The following MLIP variants were observed in gnomAD, a reference collection of about 807,000 sequenced individuals.
The protein encoded by MLIP is muscular LMNA interacting protein, also known as muscular LMNA-interacting protein.
Under a neutral mutation model 84.8 loss-of-function variants are expected in MLIP, and 79 were observed. That is an observed-to-expected ratio of 0.93 (90% CI 0.78 to 1.12). The LOEUF is 1.12. Ranked by LOEUF, MLIP falls within the 50% of genes most tolerant of loss-of-function variation. The pLI is 0.00. For synonymous variants in MLIP, 504 were observed against 463.0 expected (o/e 1.09, Z -1.14); for missense variants, 1,257 against 1,160.6 (o/e 1.08, Z -1.21).
intron 1 of MLIP, among the ~76,000 whole-genome samples, chr6:54,113,537 G>A (rs1304531050): frequency 1.3e-5 from 2 of 151,944 alleles, no homozygotes; most frequent in African/African-American, 4.8e-5. Flanking sequence ...GATACAATGA[G>A]GAAATAATGA....
At chr6:54,161,660 G>A (rs1439062024) in intron 8 of MLIP, among the ~76,000 whole-genome samples, 2 of 151,624 alleles carry the variant, frequency 1.3e-5, no homozygotes, top group Non-Finnish European at 2.9e-5. Flanking sequence ...CAAATGTACA[G>A]AACTACACAT....
intron 1 of MLIP, among the ~76,000 whole-genome samples, chr6:54,118,664 T>A (rs1409416475): frequency 1.3e-5 from 2 of 152,016 alleles, no homozygotes; most frequent in African/African-American, 4.8e-5. Context: ...AATTGATAAA[T>A]AGGATTTTAG....
intron 11 of MLIP, among the ~76,000 whole-genome samples, chr6:54,224,233 T>C (rs542790820): frequency 1.3e-5 from 2 of 151,428 alleles, no homozygotes; most frequent in African/African-American, 4.8e-5. Context: ...AGGGAGAAAA[T>C]ATAAAATACA....
At chr6:54,148,858 T>C (rs994295415) in intron 4 of MLIP, among the ~76,000 whole-genome samples, 198 bp from the exon 5 acceptor site, 3 of 152,206 alleles carry the variant, frequency 2.0e-5, no homozygotes, top group African/African-American at 7.2e-5. Context: ...TATTTTACTG[T>C]GGCATTTCTT....
At chr6:54,211,838 G>A (rs1403610561) in intron 11 of MLIP, among the ~76,000 whole-genome samples, 1 of 152,162 alleles carries the variant, frequency 6.6e-6, no homozygotes, top group Non-Finnish European at 1.5e-5. Flanking sequence ...ACATCTCTTG[G>A]CACTCTCTGC....
intron 1 of MLIP, among the ~76,000 whole-genome samples, chr6:54,113,811 AGAGACCTCTAGTTCCTTCAACTT>A (rs1291455745): frequency 4.6e-5 from 7 of 152,320 alleles, no homozygotes; most frequent in Middle Eastern, 6.8e-3. Flanking sequence ...TCCTGAGCAC[AGAGACCTCTAGTTCCTTCAACTT>A]GAGGGTTCTT....
At chr6:54,026,085 T>C (rs1266070516) in intron 1 of MLIP, among the ~76,000 whole-genome samples, 1 of 152,306 alleles carries the variant, frequency 6.6e-6, no homozygotes, top group East Asian at 1.9e-4. Flanking sequence ...TGGAGGGAAT[T>C]CGGAACCAGG....
chr6:54,033,170 C>A (rs1013111056), intron 1 of MLIP, among the ~76,000 whole-genome samples: 1 of 152,052 alleles, frequency 6.6e-6, no homozygotes, highest in African/African-American at 2.4e-5. Context: ...AGGCAGAACA[C>A]GTTCCATGTT....
At chr6:54,068,094 TCTC>T (rs1372920285) in intron 1 of MLIP, among the ~76,000 whole-genome samples, 36 of 77,486 alleles carry the variant, frequency 4.6e-4, no homozygotes, top group East Asian at 1.5e-3. Flanking sequence ...CTTCTTTTTC[TCTC>T]TCCCTCCCTC....
intron 11 of MLIP, chr6:54,216,818 T>A (rs72964036): frequency 0.32 from 315,019 of 984,802 alleles, 52,597 homozygotes; most frequent in Non-Finnish European, 0.34. Context: ...ATTGGCTTTA[T>A]CTTAGTGAAA....
At chr6:54,216,433 T>C in intron 11 of MLIP, 1 of 985,242 alleles carries the variant, frequency 1.0e-6, no homozygotes, top group Non-Finnish European at 1.2e-6. Context: ...TGCTGCTCAC[T>C]GTGATTGATT....
chr6:54,162,674 T>C (rs1208241145), intron 8 of MLIP, among the ~76,000 whole-genome samples: 1 of 151,934 alleles, frequency 6.6e-6, no homozygotes, highest in African/African-American at 2.4e-5. Context: ...ACTGCAGGTC[T>C]CTGTTTTGAG....
chr6:54,188,340 A>T (rs1471779385), intron 9 of MLIP, among the ~76,000 whole-genome samples: 1 of 152,114 alleles, frequency 6.6e-6, no homozygotes, highest in Non-Finnish European at 1.5e-5. Flanking sequence ...TAATTTTTAA[A>T]ACTTTTTGAC....
At chr6:54,214,177 T>C (rs1157074056) in intron 11 of MLIP, among the ~76,000 whole-genome samples, 1 of 152,212 alleles carries the variant, frequency 6.6e-6, no homozygotes, top group Non-Finnish European at 1.5e-5. Flanking sequence ...ATCCAGCTAG[T>C]TTTTGAAAAT....
At chr6:54,212,241 C>T (rs565448130) in intron 11 of MLIP, among the ~76,000 whole-genome samples, 6 of 152,098 alleles carry the variant, frequency 3.9e-5, no homozygotes, top group Non-Finnish European at 7.4e-5. Flanking sequence ...TCTTAAAATC[C>T]GTATTGTTGG....
intron 1 of MLIP, among the ~76,000 whole-genome samples, chr6:54,075,102 C>T (rs1007428157): frequency 8.6e-5 from 13 of 151,902 alleles, no homozygotes; most frequent in Admixed American, 2.6e-4. Context: ...ACAAAATTAG[C>T]ATGGCGTGGT....
intron 11 of MLIP, chr6:54,216,387 G>T: frequency 1.0e-6 from 1 of 985,240 alleles, no homozygotes; most frequent in Non-Finnish European, 1.2e-6. Context: ...CCAACTATAT[G>T]TATAGAAAAA....
At chr6:54,210,730 G>GAAAAAAA (rs70980900) in intron 11 of MLIP, among the ~76,000 whole-genome samples, 12 of 131,218 alleles carry the variant, frequency 9.1e-5, no homozygotes, top group African/African-American at 2.8e-4. Context: ...CCAACGGAGG[G>GAAAAAAA]AAAAAAAAAA....
intron 1 of MLIP, among the ~76,000 whole-genome samples, chr6:54,048,225 G>T (rs1212240287): frequency 1.3e-5 from 2 of 152,148 alleles, no homozygotes; most frequent in African/African-American, 2.4e-5. Context: ...AAAAGATCAG[G>T]TTCTACTTTG....
Sources: gnomAD v4.1 joint callset for allele counts (sites outside exome capture counted in the v4.1 genomes callset) on GRCh38, gnomAD v4.1.1 for gene constraint, MANE v1.5 for transcripts, NCBI Gene and HGNC (gene_info 2026-07-23, HGNC 2026-07-21) for gene names.